Variants in TLN2 observed in about 807,000 individuals in gnomAD.
TLN2 encodes the protein talin-2.
Under a neutral mutation model 294.7 loss-of-function variants are expected in TLN2, and 118 were observed. That is an observed-to-expected ratio of 0.40 (90% confidence interval 0.34 to 0.47). The LOEUF is 0.47. Among genes scored for constraint, TLN2 ranks in the 20% least tolerant of loss-of-function variants. TLN2 has a pLI of 0.84. For missense variants in TLN2, 3,083 were observed against 3,282.2 expected (o/e 0.94, Z 1.48); for synonymous variants, 1,431 against 1,304.5 (o/e 1.10, Z -2.09).
intron 1 of TLN2, among the ~76,000 whole-genome samples, chr15:62,422,578 C>T (rs922101635): frequency 4.6e-5 from 7 of 152,222 alleles, no homozygotes; most frequent in South Asian, 2.1e-4. Context: ...AGAGGAGCCC[C>T]GGAGGTCTCC....
At chr15:62,414,962 A>G (rs1259290759) in intron 1 of TLN2, among the ~76,000 whole-genome samples, 1 of 140,648 alleles carries the variant, frequency 7.1e-6, no homozygotes, top group Non-Finnish European at 1.5e-5. Flanking sequence ...CCCAGGCTGG[A>G]GTGCAATGGC....
intron 41 of TLN2, among the ~76,000 whole-genome samples, chr15:62,767,160 G>C (rs2063059445): frequency 6.6e-6 from 1 of 152,100 alleles, no homozygotes; most frequent in African/African-American, 2.4e-5. Context: ...CTTCTTGGCA[G>C]GTATCGATTT....
intron 1 of TLN2, among the ~76,000 whole-genome samples, chr15:62,575,605 AAC>A (rs147438095): frequency 2.0e-4 from 30 of 150,040 alleles, no homozygotes; most frequent in Non-Finnish European, 2.8e-4. Flanking sequence ...TCACTTAAAA[AAC>A]ACACACACAC....
intron 9 of TLN2, 131 bp downstream of exon 9, chr15:62,658,029 CCAT>C (rs2053405851): frequency 5.3e-6 from 5 of 952,208 alleles, no homozygotes; most frequent in African/African-American, 1.7e-5. Context: ...AGCTTTTCTT[CCAT>C]CGAGTAGATG....
intron 19 of TLN2, among the ~76,000 whole-genome samples, chr15:62,703,806 C>T (rs1257337168): frequency 1.3e-5 from 2 of 152,142 alleles, no homozygotes; most frequent in Non-Finnish European, 2.9e-5. Context: ...CGACTGTCAC[C>T]ACTGTCTGCA....
rs145964479 is a variant in TLN2 at position 62,601,756 on chromosome 15, A to G, written c.-162+11994A>G. 2.2e-3 allele frequency among the ~76,000 whole-genome samples: 336 copies of G among 152,328 alleles called. 5 individuals carry two copies. The East Asian group carries it at 0.023, about 10-fold the overall frequency. ...GTTCACACTGAAATTTATCTTGGAA[A>G]GTCGGGATAAATATGTTCTTTTATT... On this transcript the variant is annotated intron_variant, in intron 2 of 58. Coordinates refer to ENST00000636159, the MANE Select transcript of TLN2 (RefSeq NM_015059.3).
At chr15:62,465,431 C>G (rs1234580523) in intron 1 of TLN2, among the ~76,000 whole-genome samples, 2 of 152,156 alleles carry the variant, frequency 1.3e-5, no homozygotes, top group Non-Finnish European at 2.9e-5. Flanking sequence ...AAACCGTAAT[C>G]CTCTCCCCTA....
intron 1 of TLN2, among the ~76,000 whole-genome samples, chr15:62,485,647 C>G (rs1324423500): frequency 6.6e-6 from 1 of 152,190 alleles, no homozygotes; most frequent in African/African-American, 2.4e-5. Flanking sequence ...CTTTCCTCCC[C>G]TCTCCCACTC....
chr15:62,803,718 T>A (rs1298475731), intron 50 of TLN2, among the ~76,000 whole-genome samples: 1 of 152,242 alleles, frequency 6.6e-6, no homozygotes, highest in Non-Finnish European at 1.5e-5. Context: ...CTTTGTGTTA[T>A]CTTGAATCTG....
At chr15:62,460,383 G>A (rs1156610635) in intron 1 of TLN2, among the ~76,000 whole-genome samples, 3 of 151,752 alleles carry the variant, frequency 2.0e-5, no homozygotes, top group Admixed American at 2.0e-4. Flanking sequence ...TCCTGCCTCA[G>A]CCTCCCTAGT....
intron 11 of TLN2, among the ~76,000 whole-genome samples, chr15:62,684,607 G>A (rs2057132787): frequency 1.3e-5 from 2 of 152,116 alleles, no homozygotes; most frequent in Admixed American, 6.5e-5. Context: ...CACCATCTGA[G>A]GGTTACCAGA....
At chr15:62,466,299 C>A (rs568784436) in intron 1 of TLN2, among the ~76,000 whole-genome samples, 1 of 152,332 alleles carries the variant, frequency 6.6e-6, no homozygotes, top group South Asian at 2.1e-4. Flanking sequence ...AACTAGGACT[C>A]GTGACTTTGT....
At chr15:62,576,670 G>T (rs1821578) in intron 1 of TLN2, among the ~76,000 whole-genome samples, 1 of 116,342 alleles carries the variant, frequency 8.6e-6, no homozygotes, top group African/African-American at 3.4e-5. Flanking sequence ...TCCCCCCCCC[G>T]CCCCCCACAT....
At chr15:62,397,538 A>T (rs554143320) in intron 1 of TLN2, among the ~76,000 whole-genome samples, 1 of 152,272 alleles carries the variant, frequency 6.6e-6, no homozygotes, top group East Asian at 1.9e-4. Flanking sequence ...CACTGGGATT[A>T]CAGGTGTGAG....
At chr15:62,802,586 A>G (rs976733561) in intron 50 of TLN2, among the ~76,000 whole-genome samples, 3 of 152,220 alleles carry the variant, frequency 2.0e-5, no homozygotes, top group African/African-American at 7.2e-5. Flanking sequence ...TTTTGGGTGT[A>G]TACCTAGGAG....
intron 1 of TLN2, among the ~76,000 whole-genome samples, chr15:62,443,088 A>G (rs982839736): frequency 2.4e-4 from 37 of 152,142 alleles, no homozygotes; most frequent in African/African-American, 8.7e-4. Context: ...AATCCAGACT[A>G]ATCTCCCCAT....
At chr15:62,441,256 C>G (rs1595810700) in intron 1 of TLN2, among the ~76,000 whole-genome samples, 1 of 152,128 alleles carries the variant, frequency 6.6e-6, no homozygotes, top group South Asian at 2.1e-4. Flanking sequence ...TTTTGAGACA[C>G]CGTCTTGCTC....
chr15:62,790,486 A>T (rs928726100), intron 45 of TLN2, among the ~76,000 whole-genome samples: 4 of 152,210 alleles, frequency 2.6e-5, no homozygotes, highest in African/African-American at 9.6e-5. Context: ...GGCAAATCAC[A>T]TCACTTCTCT....
intron 54 of TLN2, among the ~76,000 whole-genome samples, chr15:62,825,750 A>C (rs1317631840): frequency 9.3e-6 from 1 of 107,402 alleles, no homozygotes; most frequent in African/African-American, 4.7e-5. Flanking sequence ...ATATATATTA[A>C]ATATAATTAT....
Sources: gnomAD v4.1 joint callset for allele counts (sites outside exome capture counted in the v4.1 genomes callset) on GRCh38, gnomAD v4.1.1 for gene constraint, MANE v1.5 for transcripts, NCBI Gene and HGNC (gene_info 2026-07-23, HGNC 2026-07-21) for gene names.